Variants in GNAQ observed in about 807,000 individuals in gnomAD.
GNAQ encodes G protein subunit alpha q.
A neutral mutation model predicts 43.9 loss-of-function variants in GNAQ; 8 were observed. That is an observed-to-expected ratio of 0.18 (90% CI 0.11 to 0.33). The LOEUF (loss-of-function observed/expected upper bound fraction) is 0.33, where lower values mean the gene tolerates loss of function less well. GNAQ is among the 10% of genes least tolerant of loss of function. GNAQ has a pLI of 1.00. For synonymous variants in GNAQ, 155 were observed against 170.7 expected (o/e 0.91, Z 0.71); for missense variants, 158 against 450.8 (o/e 0.35, Z 5.88).
At chr9:77,970,330 C>T (rs1823222592) in intron 1 of GNAQ, among the ~76,000 whole-genome samples, 1 of 152,178 alleles carries the variant, frequency 6.6e-6, no homozygotes, top group African/African-American at 2.4e-5. Context: ...AAACCTGCAT[C>T]ACATCTGCCC....
chr9:77,750,455 T>C (rs1825795804), intron 5 of GNAQ, among the ~76,000 whole-genome samples: 1 of 152,196 alleles, frequency 6.6e-6, no homozygotes, highest in Non-Finnish European at 1.5e-5. Context: ...ATAATCCCAC[T>C]AGTAATGATC....
chr9:77,996,020 G>A (rs1392440677), intron 1 of GNAQ, among the ~76,000 whole-genome samples: 1 of 152,172 alleles, frequency 6.6e-6, no homozygotes, highest in Non-Finnish European at 1.5e-5. Context: ...TTATAAAGGA[G>A]GGGTGTCCCC....
intron 1 of GNAQ, among the ~76,000 whole-genome samples, chr9:78,017,512 A>G (rs1823854204): frequency 6.6e-6 from 1 of 152,242 alleles, no homozygotes; most frequent in African/African-American, 2.4e-5. Context: ...TGTACATTTC[A>G]CCTTCATTTT....
chr9:77,825,323 C>G, intron 2 of GNAQ, among the ~76,000 whole-genome samples: 1 of 149,956 alleles, frequency 6.7e-6, no homozygotes, highest in Admixed American at 6.7e-5. Flanking sequence ...CATACCTCCA[C>G]AGTAAGACTG....
intron 2 of GNAQ, among the ~76,000 whole-genome samples, chr9:77,916,552 C>G (rs546378667): frequency 3.4e-4 from 52 of 152,210 alleles, no homozygotes; most frequent in African/African-American, 1.2e-3. Flanking sequence ...GAGGTACTTT[C>G]CTGTGACAAG....
chr9:77,986,934 C>A (rs927787861), intron 1 of GNAQ, among the ~76,000 whole-genome samples: 1 of 146,256 alleles, frequency 6.8e-6, no homozygotes, highest in African/African-American at 2.5e-5. Flanking sequence ...AGATTTTATT[C>A]TTTTATTTAT....
At chr9:77,956,034 G>C (rs1564162219) in intron 1 of GNAQ, among the ~76,000 whole-genome samples, 1 of 152,074 alleles carries the variant, frequency 6.6e-6, no homozygotes, top group Non-Finnish European at 1.5e-5. Context: ...AAACATTTTT[G>C]ATTTATTAAG....
At chr9:77,840,851 G>GAGCCCAGGGTCACAATTCATACTCTT in intron 2 of GNAQ, among the ~76,000 whole-genome samples, 1 of 152,150 alleles carries the variant, frequency 6.6e-6, no homozygotes, top group Non-Finnish European at 1.5e-5. Context: ...TCCTTTATCT[G>GAGCCCAGGGTCACAATTCATACTCTT]AGCCCAGGGT....
chr9:77,812,244 G>A (rs1441385818), intron 3 of GNAQ, among the ~76,000 whole-genome samples: 3 of 152,194 alleles, frequency 2.0e-5, no homozygotes, highest in Admixed American at 6.5e-5. Flanking sequence ...AAGAGCTGAT[G>A]AAGAACTAGA....
intron 3 of GNAQ, among the ~76,000 whole-genome samples, chr9:77,799,256 C>G (rs1453098332): frequency 1.3e-5 from 2 of 152,014 alleles, no homozygotes; most frequent in Non-Finnish European, 1.5e-5. Flanking sequence ...AAGGTGGGAC[C>G]CTTAATAGAA....
At chr9:77,787,951 A>C (rs1337235903) in intron 5 of GNAQ, among the ~76,000 whole-genome samples, 1 of 152,174 alleles carries the variant, frequency 6.6e-6, no homozygotes, top group Non-Finnish European at 1.5e-5. Context: ...AGTCGCTCGA[A>C]CCCGGGAGGC....
chr9:77,833,743 G>C (rs1432968056), intron 2 of GNAQ, among the ~76,000 whole-genome samples: 2 of 152,096 alleles, frequency 1.3e-5, no homozygotes, highest in Admixed American at 6.6e-5. Context: ...AATTAGTCTG[G>C]TCATATACAC....
chr9:77,760,419 G>A (rs1485170734), intron 5 of GNAQ, among the ~76,000 whole-genome samples: 1 of 152,130 alleles, frequency 6.6e-6, no homozygotes, highest in East Asian at 1.9e-4. Context: ...GTGTTGGCCG[G>A]GCTGGCCTCC....
chr9:77,885,781 A>T lies in GNAQ; in HGVS notation c.321+36380T>A, dbSNP rs1828293960. Among the ~76,000 whole-genome samples the T allele has an allele frequency of 2.0e-5, 3 of 152,120 alleles. No individual in the cohort carries two copies. In the South Asian group the frequency reaches 6.2e-4, roughly 32 times the overall value. ...GATTGAAAGAGAAAACTAGGAAGAGAAAGAACAAGAACAAGGACCAAAAAA... is the reference window on the plus strand; with the variant it reads ...GATTGAAAGAGAAAACTAGGAAGAGTAAGAACAAGAACAAGGACCAAAAAA... On this transcript the variant is annotated intron_variant, in intron 2 of 6. Coordinates refer to ENST00000286548, the MANE Select transcript of GNAQ (RefSeq NM_002072.5).
At chr9:77,919,636 T>C (rs774579227) in intron 2 of GNAQ, among the ~76,000 whole-genome samples, 2 of 151,998 alleles carry the variant, frequency 1.3e-5, no homozygotes, top group African/African-American at 2.4e-5. Context: ...GTATATGATA[T>C]AGAGAAAAAG....
intron 1 of GNAQ, among the ~76,000 whole-genome samples, chr9:77,982,301 A>T (rs1467498172): frequency 6.6e-6 from 1 of 152,256 alleles, no homozygotes; most frequent in Non-Finnish European, 1.5e-5. Context: ...CACGCAGTTC[A>T]AAACAAATTA....
At chr9:77,951,913 C>G (rs1225121161) in intron 1 of GNAQ, among the ~76,000 whole-genome samples, 9 of 152,196 alleles carry the variant, frequency 5.9e-5, no homozygotes, top group Admixed American at 5.9e-4. Context: ...GTCCACAGAC[C>G]TAGGACATGG....
chr9:77,911,374 T>G (rs922916348), intron 2 of GNAQ, among the ~76,000 whole-genome samples: 5 of 152,348 alleles, frequency 3.3e-5, no homozygotes, highest in African/African-American at 1.2e-4. Context: ...CGTGTGTATG[T>G]GGATACATGT....
intron 5 of GNAQ, among the ~76,000 whole-genome samples, chr9:77,731,729 C>T (rs1250985551): frequency 4.6e-5 from 7 of 152,160 alleles, no homozygotes; most frequent in African/African-American, 1.7e-4. Context: ...GGGTGGAGCC[C>T]GAGGGTCTGC....
Sources: gnomAD v4.1 joint callset for allele counts (sites outside exome capture counted in the v4.1 genomes callset) on GRCh38, gnomAD v4.1.1 for gene constraint, MANE v1.5 for transcripts, NCBI Gene and HGNC (gene_info 2026-07-23, HGNC 2026-07-21) for gene names.